SOS1: variants seen among roughly 807,000 people sequenced by gnomAD.
The protein encoded by SOS1 is SOS Ras/Rac guanine nucleotide exchange factor 1.
Under a neutral mutation model 157.6 loss-of-function variants are expected in SOS1, and 25 were observed. That is an observed-to-expected ratio of 0.16 (90% CI 0.12 to 0.22). SOS1 has a LOEUF of 0.22. Ranked by LOEUF, SOS1 falls within the 10% of genes least tolerant of loss-of-function variation. SOS1 has a pLI of 1.00. For synonymous variants in SOS1, 528 were observed against 534.0 expected (o/e 0.99, Z 0.16); for missense variants, 1,237 against 1,599.1 (o/e 0.77, Z 3.86).
chr2:39,004,322 G>A (rs1332573228), intron 17 of SOS1, among the ~76,000 whole-genome samples: 2 of 150,742 alleles, frequency 1.3e-5, no homozygotes, highest in Non-Finnish European at 2.9e-5. Flanking sequence ...GGGAGGCTGA[G>A]GCAGGAGAAT....
intron 2 of SOS1, among the ~76,000 whole-genome samples, chr2:39,065,881 A>G (rs1671572619): frequency 6.6e-6 from 1 of 152,226 alleles, no homozygotes; most frequent in African/African-American, 2.4e-5. Context: ...CTTACATTCT[A>G]GTAGGGAAAA....
At chr2:39,069,351 G>T (rs1671716843) in intron 1 of SOS1, among the ~76,000 whole-genome samples, 1 of 151,876 alleles carries the variant, frequency 6.6e-6, no homozygotes, top group Non-Finnish European at 1.5e-5. Flanking sequence ...CTGTACTCCA[G>T]CCTGGCCAAC....
At chr2:39,062,496 G>GA (rs146849851) in intron 2 of SOS1, among the ~76,000 whole-genome samples, 12,796 of 145,150 alleles carry the variant, frequency 0.088, 659 homozygotes, top group African/African-American at 0.13. Flanking sequence ...GATTCCAAGG[G>GA]AAAAAAAGCT....
rs200403937 is a variant in SOS1 at position 38,994,986 on chromosome 2, TATA to T, written c.3346+134_3346+136del. The stretch of plus-strand genomic sequence containing the variant: ...GAGTTTAGAATTTGTCTTATATTTT[TATA>T]ATATTATCTTTTGAAATGGCATTTG... On this transcript the variant is annotated intron_variant, in intron 20 of 22. Coordinates refer to ENST00000402219, the MANE Select transcript of SOS1 (RefSeq NM_005633.4). 1,264 of 682,080 alleles carry T rather than the reference TATA, an allele frequency of 1.9e-3. 11 individuals are homozygous for T. Among genetic ancestry groups the T allele is most frequent in the African/African-American group, 0.018 (974 of 55,138 alleles). 42.3% of individuals were successfully genotyped at this position (682,080 alleles called of 1,614,324 possible).
chr2:39,045,214 A>G (rs1670721334), intron 6 of SOS1, among the ~76,000 whole-genome samples: 1 of 137,324 alleles, frequency 7.3e-6, no homozygotes, highest in East Asian at 2.2e-4. Context: ...ATGGAGGGCT[A>G]ATTGAGTGTG....
intron 1 of SOS1, among the ~76,000 whole-genome samples, chr2:39,077,403 T>A (rs1181738903): frequency 1.3e-5 from 2 of 152,086 alleles, no homozygotes; most frequent in Non-Finnish European, 2.9e-5. Flanking sequence ...CCTTAAATAG[T>A]ATTAAGGAAG....
chr2:39,026,321 C>T (rs1669959902), intron 8 of SOS1, among the ~76,000 whole-genome samples: 1 of 147,702 alleles, frequency 6.8e-6, no homozygotes, highest in African/African-American at 2.6e-5. Context: ...TGCCACTGCA[C>T]TCCAGCCTGG....
At chr2:39,098,900 A>C (rs1672868846) in intron 1 of SOS1, among the ~76,000 whole-genome samples, 1 of 152,216 alleles carries the variant, frequency 6.6e-6, no homozygotes, top group Non-Finnish European at 1.5e-5. Flanking sequence ...AAAAAAAAAT[A>C]TTCTTACAAC....
intron 6 of SOS1, among the ~76,000 whole-genome samples, chr2:39,044,110 A>G (rs1670671334): frequency 6.6e-6 from 1 of 152,192 alleles, no homozygotes; most frequent in South Asian, 2.1e-4. Flanking sequence ...TAATACCAGC[A>G]GTTTGGGAGG....
chr2:39,091,649 C>T (rs946486437), intron 1 of SOS1, among the ~76,000 whole-genome samples: 4 of 152,034 alleles, frequency 2.6e-5, no homozygotes, highest in African/African-American at 9.7e-5. Flanking sequence ...ACATTCTTTG[C>T]CTTTCAGAGG....
chr2:39,105,474 C>A (rs922193258), intron 1 of SOS1, among the ~76,000 whole-genome samples: 2 of 152,050 alleles, frequency 1.3e-5, no homozygotes, highest in Admixed American at 6.6e-5. Context: ...CTGCTTAACT[C>A]ATATGGACAG....
chr2:39,041,499 T>C (rs1670567441), intron 6 of SOS1, among the ~76,000 whole-genome samples: 1 of 152,250 alleles, frequency 6.6e-6, no homozygotes, highest in Non-Finnish European at 1.5e-5. Context: ...GCTTTCTTGA[T>C]GGTGTCCTTT....
At chr2:39,065,803 C>T (rs1671570207) in intron 2 of SOS1, among the ~76,000 whole-genome samples, 1 of 152,168 alleles carries the variant, frequency 6.6e-6, no homozygotes, top group African/African-American at 2.4e-5. Flanking sequence ...AGTGTCTTCT[C>T]TGTGCCAGAT....
intron 6 of SOS1, among the ~76,000 whole-genome samples, chr2:39,045,726 T>C (rs1416781703): frequency 6.6e-6 from 1 of 152,322 alleles, no homozygotes; most frequent in African/African-American, 2.4e-5. Flanking sequence ...ATTCATTTTT[T>C]TGAGACGGAG....
chr2:39,022,153 C>T (rs1045127556), intron 10 of SOS1, among the ~76,000 whole-genome samples: 19 of 151,284 alleles, frequency 1.3e-4, no homozygotes, highest in African/African-American at 4.6e-4. Context: ...AAAGCAATGC[C>T]GTGTATATTT....
chr2:39,000,975 G>C (rs147658205), intron 17 of SOS1, among the ~76,000 whole-genome samples: 1 of 152,362 alleles, frequency 6.6e-6, no homozygotes, highest in East Asian at 1.9e-4. Context: ...GATCAGAGCT[G>C]TGTAAAAGCA....
intron 20 of SOS1, among the ~76,000 whole-genome samples, chr2:38,991,492 CCTCT>C (rs542632897): frequency 1.3e-5 from 2 of 152,194 alleles, no homozygotes; most frequent in Non-Finnish European, 2.9e-5. Flanking sequence ...ATCATTTTCT[CCTCT>C]CTATTATAGC....
intron 22 of SOS1, among the ~76,000 whole-genome samples, chr2:38,986,595 A>G (rs1668567359): frequency 6.6e-6 from 1 of 152,020 alleles, no homozygotes; most frequent in African/African-American, 2.4e-5. Flanking sequence ...CATCCCAAGC[A>G]GCAAGGACCA....
chr2:39,073,599 A>T (rs1279082181), intron 1 of SOS1, among the ~76,000 whole-genome samples: 1 of 152,186 alleles, frequency 6.6e-6, no homozygotes, highest in South Asian at 2.1e-4. Flanking sequence ...TTGACAGTTC[A>T]TTTTGTCTCT....
Sources: allele counts gnomAD v4.1 joint callset (sites outside exome capture counted in the v4.1 genomes callset), GRCh38; gene constraint gnomAD v4.1.1; transcripts MANE v1.5; gene names NCBI Gene and HGNC (gene_info 2026-07-23, HGNC 2026-07-21).